Variants in ADAMTSL1 observed in about 807,000 individuals in gnomAD.
ADAMTSL1 encodes the protein ADAMTS-like protein 1.
ADAMTSL1 carries 126 observed loss-of-function variants against 201.8 expected under a neutral mutation model. The observed-to-expected ratio is 0.62, with a 90% CI of 0.54 to 0.72. ADAMTSL1 has a LOEUF of 0.72. Among genes scored for constraint, ADAMTSL1 ranks in the 30% least tolerant of loss-of-function variants. The pLI, the probability that ADAMTSL1 is intolerant of heterozygous loss-of-function variation, is 0.00. For synonymous variants in ADAMTSL1, 1,121 were observed against 903.4 expected (o/e 1.24, Z -4.32); for missense variants, 2,679 against 2,277.8 (o/e 1.18, Z -3.59).
At chr9:18,230,734 A>G (rs180989250) in intron 2 of ADAMTSL1, among the ~76,000 whole-genome samples, 4 of 152,336 alleles carry the variant, frequency 2.6e-5, no homozygotes, top group Admixed American at 2.6e-4. Context: ...TTTCCTAAAC[A>G]TTATTATAAT....
chr9:18,893,257 G>A (rs34612814), intron 26 of ADAMTSL1, among the ~76,000 whole-genome samples: 38,223 of 151,812 alleles, frequency 0.25, 5,673 homozygotes, highest in Non-Finnish European at 0.33. Flanking sequence ...CCAGGCCCTC[G>A]AGGCTTATTG....
At chr9:18,090,375 A>G (rs1823956495) in intron 1 of ADAMTSL1, among the ~76,000 whole-genome samples, 1 of 152,210 alleles carries the variant, frequency 6.6e-6, no homozygotes, top group Non-Finnish European at 1.5e-5. Context: ...CAATGAATAA[A>G]CAAAATAGGG....
intron 12 of ADAMTSL1, among the ~76,000 whole-genome samples, chr9:18,683,558 A>G (rs991311866): frequency 6.6e-6 from 1 of 152,178 alleles, no homozygotes; most frequent in African/African-American, 2.4e-5. Context: ...TAGTTGGAGT[A>G]GTTGTAAAAT....
At chr9:18,341,715 C>T (rs1835469107) in intron 2 of ADAMTSL1, among the ~76,000 whole-genome samples, 1 of 152,128 alleles carries the variant, frequency 6.6e-6, no homozygotes. Flanking sequence ...TCTATCACCA[C>T]ACAAAATAAC....
chr9:18,094,012 A>G (rs1824135329), intron 1 of ADAMTSL1, among the ~76,000 whole-genome samples: 2 of 152,140 alleles, frequency 1.3e-5, no homozygotes, highest in African/African-American at 4.8e-5. Context: ...TTGGGAGTTG[A>G]TCCATCATTT....
chr9:18,526,286 G>A (rs116503809), intron 2 of ADAMTSL1, among the ~76,000 whole-genome samples: 1,788 of 152,198 alleles, frequency 0.012, 41 homozygotes, highest in African/African-American at 0.041. Flanking sequence ...TTTTCCATTT[G>A]CCGCGTAGAT....
chr9:18,908,195 G>A lies in ADAMTSL1; in HGVS notation c.5183-247G>A, dbSNP rs562682539. 11 of 528,872 alleles carry A rather than the reference G, an allele frequency of 2.1e-5. No homozygotes were observed. In the East Asian group the frequency reaches 3.8e-4, roughly 18 times the overall value. 32.8% of individuals were successfully genotyped at this position (528,872 alleles called of 1,614,324 possible). On this transcript the variant is annotated intron_variant, in intron 28 of 28. Coordinates refer to ENST00000380548, the MANE Select transcript of ADAMTSL1 (RefSeq NM_001040272.6). Reference sequence around the variant, plus strand: ...GGGAGCTGCAGAAAACAAGCAGACAGCCCAGGGAGGGGCCCCATCATTCAG... The same window carrying A: ...GGGAGCTGCAGAAAACAAGCAGACAACCCAGGGAGGGGCCCCATCATTCAG...
At chr9:18,654,583 A>G (rs1451299671) in intron 7 of ADAMTSL1, among the ~76,000 whole-genome samples, 1 of 152,250 alleles carries the variant, frequency 6.6e-6, no homozygotes, top group African/African-American at 2.4e-5. Flanking sequence ...AGATAAGATC[A>G]CAATTATTTC....
chr9:18,415,788 C>G (rs1023521228), intron 2 of ADAMTSL1, among the ~76,000 whole-genome samples: 24 of 152,120 alleles, frequency 1.6e-4, no homozygotes, highest in African/African-American at 5.5e-4. Context: ...AACAGAAAAT[C>G]TTAAATGCAG....
At chr9:18,690,641 G>A (rs1831154867) in intron 13 of ADAMTSL1, among the ~76,000 whole-genome samples, 1 of 152,158 alleles carries the variant, frequency 6.6e-6, no homozygotes. Flanking sequence ...GCAGCAAAGA[G>A]TTGAGCATTA....
At chr9:18,738,163 A>G (rs1043296256) in intron 15 of ADAMTSL1, among the ~76,000 whole-genome samples, 6 of 152,168 alleles carry the variant, frequency 3.9e-5, no homozygotes, top group African/African-American at 1.2e-4. Context: ...GGGGACCCAG[A>G]TGGTCACTAG....
intron 1 of ADAMTSL1, among the ~76,000 whole-genome samples, chr9:17,934,043 T>C (rs1016602028): frequency 1.1e-4 from 16 of 152,196 alleles, no homozygotes; most frequent in Non-Finnish European, 1.6e-4. Context: ...TGGCTCTCAC[T>C]GCAGTGGGAA....
intron 2 of ADAMTSL1, among the ~76,000 whole-genome samples, chr9:18,164,608 A>G (rs1169109782): frequency 4.6e-5 from 7 of 151,800 alleles, no homozygotes; most frequent in African/African-American, 1.7e-4. Context: ...AACTTGTGAA[A>G]GTTCTAAATG....
rs1449399304 is a variant in ADAMTSL1 at position 18,460,045 on chromosome 9, C to T, written c.208-44784C>T. 5.9e-5 allele frequency among the ~76,000 whole-genome samples: 9 copies of T among 152,260 alleles called. No individual in the cohort carries two copies. In the East Asian group the frequency reaches 1.7e-3, roughly 29 times the overall value. On this transcript the variant is annotated intron_variant, in intron 2 of 29. Coordinates refer to the ADAMTSL1 transcript ENST00000680146. The stretch of plus-strand genomic sequence containing the variant: ...AGTAACAGGAAAACCTACTAATGCT[C>T]TCAACTTGAATAGAGTTGACTCTAG...
chr9:18,018,868 T>A (rs528263085), intron 1 of ADAMTSL1, among the ~76,000 whole-genome samples: 2 of 152,050 alleles, frequency 1.3e-5, no homozygotes, highest in Non-Finnish European at 2.9e-5. Context: ...ACAGAGACTT[T>A]GGCACCTGGA....
At chr9:18,460,059 A>C (rs1820751439) in intron 2 of ADAMTSL1, among the ~76,000 whole-genome samples, 1 of 152,206 alleles carries the variant, frequency 6.6e-6, no homozygotes. Context: ...ACTTGAATAG[A>C]GTTGACTCTA....
chr9:18,212,070 C>A (rs1252022192), intron 2 of ADAMTSL1, among the ~76,000 whole-genome samples: 1 of 152,168 alleles, frequency 6.6e-6, no homozygotes, highest in African/African-American at 2.4e-5. Flanking sequence ...AACAAGTCCA[C>A]TGTGACCAGA....
At chr9:18,708,391 G>T (rs1343795282) in intron 14 of ADAMTSL1, among the ~76,000 whole-genome samples, 1 of 152,180 alleles carries the variant, frequency 6.6e-6, no homozygotes, top group African/African-American at 2.4e-5. Flanking sequence ...TTTTAATGGA[G>T]AGCCCTGGTA....
At chr9:18,120,434 G>A (rs1396148455) in intron 1 of ADAMTSL1, among the ~76,000 whole-genome samples, 1 of 152,184 alleles carries the variant, frequency 6.6e-6, no homozygotes, top group Non-Finnish European at 1.5e-5. Flanking sequence ...GAGGTGTCAG[G>A]ACTAGAGGTA....
Sources: gnomAD v4.1 joint callset for allele counts (sites outside exome capture counted in the v4.1 genomes callset) on GRCh38, gnomAD v4.1.1 for gene constraint, MANE v1.5 for transcripts, NCBI Gene and HGNC (gene_info 2026-07-23, HGNC 2026-07-21) for gene names.